The following SLFN11 variants were observed in gnomAD, a reference collection of about 807,000 sequenced individuals.
SLFN11 encodes schlafen family member 11.
A neutral mutation model predicts 53.4 loss-of-function variants in SLFN11; 43 were observed. The observed-to-expected ratio is 0.80, with a 90% CI of 0.63 to 1.04. SLFN11 has a LOEUF of 1.04. SLFN11 is among the 50% of genes least tolerant of loss of function. The probability of loss-of-function intolerance (pLI) is 0.00; values close to 1 mark genes in which losing one functional copy is unlikely to be tolerated. For missense variants in SLFN11, 990 were observed against 1,079.1 expected (o/e 0.92, Z 1.16); for synonymous variants, 389 against 394.7 (o/e 0.99, Z 0.17).
chr17:35,354,947 G>A (rs1174906570), intron 5 of SLFN11, among the ~76,000 whole-genome samples: 2 of 151,914 alleles, frequency 1.3e-5, no homozygotes, highest in African/African-American at 2.4e-5. Flanking sequence ...GTGCTCACAC[G>A]ACTTGATTAT....
chr17:35,360,325 A>G lies in SLFN11; in HGVS notation c.1116T>C (p.Ser372=). 6.2e-7 allele frequency: 1 copy of G among 1,610,200 alleles called. No homozygotes were observed. The highest frequency in any genetic ancestry group is 2.2e-5 in the East Asian group (1 of 44,768). The change falls in exon 5 of 7, where the codon TCT becomes TCC. Residue 372 remains serine (S), a synonymous_variant. Coordinates refer to ENST00000685675, the MANE Select transcript of SLFN11 (RefSeq NM_001376007.1). ...CTGGTCTGCTAAGGGGAGGCCCACT[A>G]GATAGACTCAGCTGACATTCAAAAT... The part of the protein sequence containing the change: ...SEDFECQLSL[S]SGPPLSRPVY...
chr17:35,356,833 T>A (rs34325379), intron 5 of SLFN11, among the ~76,000 whole-genome samples: 5 of 134,600 alleles, frequency 3.7e-5, no homozygotes, highest in African/African-American at 1.2e-4. Flanking sequence ...CACACACACA[T>A]AATAAAATCC....
chr17:35,359,449 G>A (rs1907919415), intron 5 of SLFN11, among the ~76,000 whole-genome samples: 1 of 152,122 alleles, frequency 6.6e-6, no homozygotes, highest in Non-Finnish European at 1.5e-5. Flanking sequence ...GGACATTTAT[G>A]TATCAATTAT....
chr17:35,372,538 C>T (rs566702639), intron 1 of SLFN11, among the ~76,000 whole-genome samples: 40 of 152,160 alleles, frequency 2.6e-4, no homozygotes, highest in African/African-American at 9.6e-4. Flanking sequence ...TTTCACATTG[C>T]ATGTCTGTAT....
chr17:35,351,231 G>A lies in SLFN11; in HGVS notation c.*1125C>T, dbSNP rs1906633924. The A allele has an allele frequency of 1.3e-5, 2 of 152,190 alleles. No individual in the cohort carries two copies. The highest frequency in any genetic ancestry group is 1.3e-4 in the Admixed American group (2 of 15,280). The allele number at this position is 152,190 out of a possible 1,614,324, so 9.4% of individuals were successfully genotyped here. On this transcript the variant is annotated 3_prime_UTR_variant, in exon 7 of 7. Transcript: ENST00000685675. ...CTTGTTTGCATGCACAGGGAGGGAG[G>A]GAACAAGCTCTCTGGGGTCTCTCCC...
At chr17:35,369,653 C>A (rs1597728072) in intron 1 of SLFN11, among the ~76,000 whole-genome samples, 1 of 151,878 alleles carries the variant, frequency 6.6e-6, no homozygotes, top group East Asian at 1.9e-4. Flanking sequence ...AGGAGAATAC[C>A]CAAATAAATG....
rs1906617933 is a variant in SLFN11, at chr17:35,351,112, G to A, written c.*1244C>T. 6.6e-6 allele frequency: 1 copy of A among 152,244 alleles called. No individual in the cohort carries two copies. The highest frequency in any genetic ancestry group is 1.5e-5 in the Non-Finnish European group (1 of 68,044). The allele number at this position is 152,244 out of a possible 1,614,324, so 9.4% of individuals were successfully genotyped here. ...CTGGAGGCTGGAAGTCCAAGACAGA[G>A]TCCAAGACTCTCGCCAGCAGCGAGA... On this transcript the variant is annotated 3_prime_UTR_variant, in exon 7 of 7. Coordinates refer to ENST00000685675, the MANE Select transcript of SLFN11 (RefSeq NM_001376007.1).
chr17:35,359,947 T>C (rs977050559), intron 5 of SLFN11: 3 of 298,940 alleles, frequency 1.0e-5, no homozygotes, highest in African/African-American at 2.3e-5. Context: ...CAGATATGTG[T>C]CCTTTTAAAA....
At position 35,360,228 on chromosome 17, in the gene SLFN11, A is replaced by G; in HGVS notation, c.1198+15T>C. On this transcript the variant is annotated intron_variant, in intron 5 of 6. Transcript: ENST00000685675. Reference sequence around the variant, plus strand: ...ATAGAAACTGGCTGGTGTTGAGAAGACAAACCATAATTACCTGAAAATAAA... The same window carrying G: ...ATAGAAACTGGCTGGTGTTGAGAAGGCAAACCATAATTACCTGAAAATAAA... 2 of 1,606,614 alleles carry G rather than the reference A, an allele frequency of 1.2e-6. No individual in the cohort carries two copies. The highest frequency in any genetic ancestry group is 2.2e-5 in the East Asian group (1 of 44,800).
intron 3 of SLFN11, among the ~76,000 whole-genome samples, chr17:35,365,169 T>G (rs117133939): frequency 6.6e-6 from 1 of 152,210 alleles, no homozygotes; most frequent in East Asian, 1.9e-4. Context: ...TGGGCAAAGG[T>G]AGGCTTATCG....
In SLFN11 at chr17:35,360,282, G is replaced by A. The variant is rs1389318393; in HGVS notation, c.1159C>T (p.Leu387=). Residue 387 remains leucine, a synonymous_variant, in exon 5 of 7, where the codon CTG becomes TTG. Transcript: ENST00000685675. ...TGCTGGAGTTCCTTTTTATGTTCCAGGCCTTTCTTGGAGTACACTGGTCTG... is the reference window on the plus strand; with the variant it reads ...TGCTGGAGTTCCTTTTTATGTTCCAAGCCTTTCTTGGAGTACACTGGTCTG... ...LSRPVYSKKG[L]EHKKELQQLL... 2 of 1,610,770 alleles carry A rather than the reference G, an allele frequency of 1.2e-6. No individual in the cohort carries two copies. Among genetic ancestry groups the A allele is most frequent in the Admixed American group, 3.4e-5 (2 of 59,364 alleles).
chr17:35,360,498 C>T (rs1175526569), intron 4 of SLFN11, 127 bp from the exon 5 acceptor site: 4 of 929,434 alleles, frequency 4.3e-6, no homozygotes, highest in African/African-American at 1.7e-5. Context: ...AAATAACTCT[C>T]CTCTCACTCA....
chr17:35,363,512 T>C lies in SLFN11; in HGVS notation c.296A>G (p.Gln99Arg). 1 of 1,614,026 alleles carries C rather than the reference T, an allele frequency of 6.2e-7. No homozygotes were observed. The highest frequency in any genetic ancestry group is 8.5e-7 in the Non-Finnish European group (1 of 1,179,996). ...AACAAAAATGTAAAAACACCTTCCTTGTTGCTTGGTCTCAAAGAAAGCCTG... is the reference window on the plus strand; with the variant it reads ...AACAAAAATGTAAAAACACCTTCCTCGTTGCTTGGTCTCAAAGAAAGCCTG... ...DLQAFFETKQ[Q>R]GRCFYIFVKS... The change falls in exon 4 of 7, where the codon CAA becomes CGA. Residue 99 changes from glutamine to arginine, a missense_variant. This residue lies in a region of SLFN11 where 521 missense variants were observed against 516.2 expected (regional missense o/e 1.01). Transcript: ENST00000685675.
In SLFN11 at chr17:35,352,651, T is replaced by G. The variant is rs768284676; in HGVS notation, c.2411A>C (p.Tyr804Ser). 6.2e-7 allele frequency: 1 copy of G among 1,614,178 alleles called. No individual in the cohort carries two copies. Among genetic ancestry groups the G allele is most frequent in the East Asian group, 2.2e-5 (1 of 44,882 alleles). ...DTCRRFFDRG[Y>S]SPKDVAVLVS... ...AAGCACAGCAACATCCTTTGGAGAATAGCCCCTATCAAAGAAGCGCCTGCA... is the reference window on the plus strand; with the variant it reads ...AAGCACAGCAACATCCTTTGGAGAAGAGCCCCTATCAAAGAAGCGCCTGCA... The change falls in exon 7 of 7, where the codon TAT (tyrosine) becomes TCT (serine). Residue 804 changes from tyrosine to serine, a missense_variant. By Grantham distance (144) the Tyr-to-Ser change is moderately radical. Around this residue, in one of 3 missense-constraint regions of SLFN11, gnomAD observed 313 missense variants for 320.9 expected, o/e 0.98. Coordinates refer to ENST00000685675, the MANE Select transcript of SLFN11 (RefSeq NM_001376007.1).
At chr17:35,370,538 C>T (rs1174722930) in intron 1 of SLFN11, among the ~76,000 whole-genome samples, 1 of 151,854 alleles carries the variant, frequency 6.6e-6, no homozygotes, top group Non-Finnish European at 1.5e-5. Context: ...TCAAATTGTC[C>T]TTGTTTGCAG....
intron 4 of SLFN11, among the ~76,000 whole-genome samples, chr17:35,362,047 C>T (rs1248332346): frequency 6.6e-6 from 1 of 151,994 alleles, no homozygotes; most frequent in Non-Finnish European, 1.5e-5. Flanking sequence ...GAAAGCAACC[C>T]CAGAAAGCAG....
chr17:35,369,582 G>A (rs1005498871), intron 1 of SLFN11, among the ~76,000 whole-genome samples: 3 of 152,050 alleles, frequency 2.0e-5, no homozygotes, highest in Non-Finnish European at 4.4e-5. Context: ...TTCACCACCT[G>A]TTGATTGTTT....
Position 35,353,316 on chromosome 17 carries a change from CG to C in SLFN11, c.1922+19del, listed in dbSNP as rs1480580221. On this transcript the variant is annotated intron_variant, in intron 6 of 6. Transcript: ENST00000685675. ...ACCCAGATTAAATAATACTTAGAGA[CG>C]TAAGATCCAACTGCTTACCTGATAA... 3.7e-6 allele frequency: 6 copies of C among 1,613,754 alleles called. No individual in the cohort carries two copies. The highest frequency in any genetic ancestry group is 5.1e-6 in the Non-Finnish European group (6 of 1,179,940).
intron 5 of SLFN11, among the ~76,000 whole-genome samples, chr17:35,354,670 A>G (rs1907243454): frequency 6.6e-6 from 1 of 152,166 alleles, no homozygotes; most frequent in South Asian, 2.1e-4. Context: ...GCTCCCCACT[A>G]CCACAAAAGT....
Sources: allele counts gnomAD v4.1 joint callset (sites outside exome capture counted in the v4.1 genomes callset), GRCh38; gene constraint gnomAD v4.1.1; regional missense constraint gnomAD v4.1.1; transcripts MANE v1.5; gene names NCBI Gene and HGNC (gene_info 2026-07-23, HGNC 2026-07-21).